The following TTLL11 variants were observed in gnomAD, a reference collection of about 807,000 sequenced individuals.
TTLL11 encodes the protein tubulin tyrosine ligase like 11.
TTLL11 carries 42 observed loss-of-function variants against 51.7 expected under a neutral mutation model. The ratio of observed to expected loss-of-function variants is 0.81; its 90% confidence interval spans 0.64 to 1.05. The LOEUF (loss-of-function observed/expected upper bound fraction) is 1.05, where lower values mean the gene tolerates loss of function less well. Among genes scored for constraint, TTLL11 ranks in the 50% least tolerant of loss-of-function variants. TTLL11 has a pLI of 0.00. For missense variants in TTLL11, 799 were observed against 940.4 expected (o/e 0.85, Z 1.97); for synonymous variants, 381 against 383.5 (o/e 0.99, Z 0.08).
chr9:122,091,480 C>T (rs754376692), intron 1 of TTLL11, among the ~76,000 whole-genome samples: 25 of 152,234 alleles, frequency 1.6e-4, no homozygotes, highest in Non-Finnish European at 3.5e-4. Flanking sequence ...CCAACGGCTA[C>T]ACCCTATCCA....
chr9:121,968,933 G>C (rs1273655654), intron 6 of TTLL11, among the ~76,000 whole-genome samples: 2 of 151,536 alleles, frequency 1.3e-5, no homozygotes, highest in African/African-American at 4.9e-5. Flanking sequence ...GTAGTGGCAC[G>C]ATCTCGGCTC....
intron 1 of TTLL11, among the ~76,000 whole-genome samples, chr9:122,047,607 G>A (rs1235099404): frequency 6.6e-6 from 1 of 152,052 alleles, no homozygotes; most frequent in African/African-American, 2.4e-5. Context: ...AAAAGCAAGG[G>A]AAAAGTGTTT....
intron 6 of TTLL11, among the ~76,000 whole-genome samples, chr9:121,929,611 T>C (rs1396765048): frequency 6.6e-6 from 1 of 152,194 alleles, no homozygotes; most frequent in Non-Finnish European, 1.5e-5. Flanking sequence ...AAGTCATTCA[T>C]TTGTTCCTTA....
chr9:121,892,925 G>C (rs1056077396), intron 6 of TTLL11, among the ~76,000 whole-genome samples: 1 of 152,124 alleles, frequency 6.6e-6, no homozygotes, highest in Non-Finnish European at 1.5e-5. Context: ...GGGGGCCCCA[G>C]TTGGAAGTGA....
intron 6 of TTLL11, among the ~76,000 whole-genome samples, chr9:121,971,512 G>GC (rs1842576246): frequency 8.9e-6 from 1 of 112,452 alleles, no homozygotes; most frequent in Non-Finnish European, 2.1e-5. Context: ...CTGCCCGGCC[G>GC]CCCCTACTGG....
At chr9:121,915,076 C>T (rs1248941503) in intron 6 of TTLL11, among the ~76,000 whole-genome samples, 1 of 152,190 alleles carries the variant, frequency 6.6e-6, no homozygotes, top group Non-Finnish European at 1.5e-5. Context: ...GGAAACCTCT[C>T]TCCTCACAGA....
At chr9:121,992,291 G>C (rs1843138809) in intron 3 of TTLL11, among the ~76,000 whole-genome samples, 1 of 152,198 alleles carries the variant, frequency 6.6e-6, no homozygotes, top group African/African-American at 2.4e-5. Flanking sequence ...ACATTTTTCA[G>C]AATTCATATT....
intron 3 of TTLL11, among the ~76,000 whole-genome samples, chr9:121,991,350 C>T (rs1348610857): frequency 1.3e-5 from 2 of 152,222 alleles, no homozygotes; most frequent in East Asian, 3.8e-4. Context: ...ATTGTTTCCC[C>T]TTGTCAGCAG....
chr9:121,831,940 G>A (rs111456220), intron 8 of TTLL11, among the ~76,000 whole-genome samples: 3 of 152,186 alleles, frequency 2.0e-5, no homozygotes, highest in African/African-American at 7.2e-5. Context: ...GTGCCAGCAC[G>A]GTCATGTTCT....
intron 6 of TTLL11, among the ~76,000 whole-genome samples, chr9:121,891,718 C>T (rs188958199): frequency 1.1e-3 from 166 of 152,220 alleles, no homozygotes; most frequent in African/African-American, 3.8e-3. Flanking sequence ...CCTCATTTTA[C>T]ACCTGAGGAT....
At chr9:121,965,650 G>C (rs1441982827) in intron 6 of TTLL11, among the ~76,000 whole-genome samples, 1 of 152,152 alleles carries the variant, frequency 6.6e-6, no homozygotes, top group Non-Finnish European at 1.5e-5. Context: ...CATTCAGCAG[G>C]ATAGCGGATG....
Position 121,891,313 on chromosome 9 carries a change from T to A in TTLL11, c.1482-20565A>T, listed in dbSNP as rs567320109. Among the ~76,000 whole-genome samples the A allele has an allele frequency of 1.2e-4, 19 of 152,268 alleles. No homozygotes were observed. The South Asian group carries it at 3.9e-3, about 32-fold the overall frequency. On this transcript the variant is annotated intron_variant, in intron 6 of 8. Transcript: ENST00000321582. The stretch of plus-strand genomic sequence containing the variant: ...CAACCTGAAACAATGGCGATGCCAC[T>A]CCTGCAGGGTTGCCCGAGGATCAGA...
intron 6 of TTLL11, among the ~76,000 whole-genome samples, chr9:121,889,903 C>T (rs1364748363): frequency 3.2e-4 from 4 of 12,382 alleles, no homozygotes; most frequent in East Asian, 1.3e-3. Flanking sequence ...CCATCTTGGG[C>T]GGGGCGGGGG....
At chr9:121,865,579 C>G (rs886194666) in intron 7 of TTLL11, among the ~76,000 whole-genome samples, 1 of 152,060 alleles carries the variant, frequency 6.6e-6, no homozygotes, top group Non-Finnish European at 1.5e-5. Context: ...AGATGCCCCC[C>G]AAATCAGTAA....
At chr9:122,008,039 G>A (rs920258068) in intron 3 of TTLL11, among the ~76,000 whole-genome samples, 3 of 152,162 alleles carry the variant, frequency 2.0e-5, no homozygotes, top group Non-Finnish European at 4.4e-5. Context: ...TGCCAAAAAT[G>A]TGTATCCTGG....
intron 1 of TTLL11, among the ~76,000 whole-genome samples, chr9:122,047,188 C>T (rs1414967239): frequency 3.3e-5 from 5 of 152,274 alleles, no homozygotes; most frequent in African/African-American, 1.2e-4. Flanking sequence ...GCCTGTTGTC[C>T]TGGTGTCATT....
intron 8 of TTLL11, among the ~76,000 whole-genome samples, chr9:121,829,889 C>T (rs1403714593): frequency 6.6e-6 from 1 of 152,008 alleles, no homozygotes; most frequent in Non-Finnish European, 1.5e-5. Flanking sequence ...CTGTCCTTGA[C>T]CATCCCCAGG....
chr9:121,922,760 A>AGTGTTTGT (rs1840588251), intron 6 of TTLL11, among the ~76,000 whole-genome samples: 1 of 148,222 alleles, frequency 6.7e-6, no homozygotes, highest in Non-Finnish European at 1.5e-5. Flanking sequence ...ATATCTATTC[A>AGTGTTTGT]GTGTGTGTGT....
Position 121,870,512 on chromosome 9 carries a change from A to C in TTLL11, c.1718T>G (p.Phe573Cys). ...TCTCACTGACCTTATGAAGGTACGA[A>C]AGCCTGTTGGCCCCAACTTCATTGT... Reference protein sequence around the residue: ...KGTMKLGPTGFRTFIRSCKLS... With the variant: ...KGTMKLGPTGCRTFIRSCKLS... The change falls in exon 7 of 9, where the codon TTT (phenylalanine) becomes TGT (cysteine). Residue 573 changes from phenylalanine to cysteine, a missense_variant. This residue lies in a region of TTLL11 where 468 missense variants were observed against 612.8 expected (regional missense o/e 0.76). Coordinates refer to ENST00000321582, the MANE Select transcript of TTLL11 (RefSeq NM_001139442.2). 1 of 1,551,642 alleles carries C rather than the reference A, an allele frequency of 6.4e-7. No homozygotes were observed. Among genetic ancestry groups the C allele is most frequent in the Non-Finnish European group, 8.7e-7 (1 of 1,146,972 alleles).
Sources: allele counts gnomAD v4.1 joint callset (sites outside exome capture counted in the v4.1 genomes callset), GRCh38; gene constraint gnomAD v4.1.1; regional missense constraint gnomAD v4.1.1; transcripts MANE v1.5; gene names NCBI Gene and HGNC (gene_info 2026-07-23, HGNC 2026-07-21).